The following PTPN5 variants were observed in gnomAD, a reference collection of about 807,000 sequenced individuals.
PTPN5 encodes tyrosine-protein phosphatase non-receptor type 5.
PTPN5 carries 29 observed loss-of-function variants against 73.9 expected under a neutral mutation model. The observed-to-expected ratio is 0.39, with a 90% CI of 0.29 to 0.54. The LOEUF is 0.54. Among genes scored for constraint, PTPN5 ranks in the 20% least tolerant of loss-of-function variants. The pLI is 0.65. For synonymous variants in PTPN5, 267 were observed against 304.7 expected, an observed-to-expected ratio of 0.88 and a Z score of 1.29; for missense variants, 652 against 751.4, an observed-to-expected ratio of 0.87 and a Z score of 1.55.
chr11:18,743,215 G>A (rs1849454117), intron 5 of PTPN5, 107 bp downstream of exon 5: 2 of 1,263,180 alleles, frequency 1.6e-6, no homozygotes, highest in Admixed American at 3.4e-5. Flanking sequence ...CAGGGGCTTG[G>A]AAGTATCTTC....
At chr11:18,746,652 T>G (rs538722410) in intron 3 of PTPN5, among the ~76,000 whole-genome samples, 1 of 152,104 alleles carries the variant, frequency 6.6e-6, no homozygotes, top group East Asian at 1.9e-4. Flanking sequence ...TAAAGACATG[T>G]TTACAATACA....
intron 3 of PTPN5, among the ~76,000 whole-genome samples, chr11:18,764,502 C>A (rs1164881022): frequency 1.3e-5 from 2 of 152,200 alleles, no homozygotes; most frequent in African/African-American, 4.8e-5. Context: ...TCCTCAGGAG[C>A]TGGGGCACTG....
intron 1 of PTPN5, among the ~76,000 whole-genome samples, chr11:18,778,909 C>G (rs1055154521): frequency 1.3e-5 from 2 of 152,348 alleles, no homozygotes; most frequent in Admixed American, 1.3e-4. Context: ...TATTTCATGC[C>G]TCTGGTTTCA....
intron 1 of PTPN5, among the ~76,000 whole-genome samples, chr11:18,780,131 T>A (rs1034433574): frequency 1.3e-5 from 2 of 152,162 alleles, no homozygotes; most frequent in Non-Finnish European, 2.9e-5. Context: ...TGCTTCCTAT[T>A]TCCTCAGGCT....
chr11:18,746,176 T>TAC (rs1849619451), intron 3 of PTPN5, among the ~76,000 whole-genome samples: 1 of 107,312 alleles, frequency 9.3e-6, no homozygotes, highest in Non-Finnish European at 2.2e-5. Context: ...TATATATATA[T>TAC]ATATATATAT....
At chr11:18,737,467 G>C (rs1412984581) in intron 9 of PTPN5, among the ~76,000 whole-genome samples, 5 of 152,184 alleles carry the variant, frequency 3.3e-5, no homozygotes, top group Non-Finnish European at 7.3e-5. Flanking sequence ...AGAGGCCCAG[G>C]TCTGAAATTC....
chr11:18,728,049 G>C lies in PTPN5; in HGVS notation c.*885C>G, dbSNP rs543420556. The stretch of plus-strand genomic sequence containing the variant: ...TATTTAAAGTCAGCAATAAAAACAC[G>C]TGGCTCCAAGATAATACATGTTGCC... On this transcript the variant is annotated 3_prime_UTR_variant, in exon 15 of 15. Coordinates refer to ENST00000358540, the MANE Select transcript of PTPN5 (RefSeq NM_006906.2). The surrounding 1 kb of genome is among the most constrained non-coding windows in gnomAD (Gnocchi z 4.1). The C allele has an allele frequency of 6.5e-6, 1 of 152,794 alleles. No individual in the cohort carries two copies. Among genetic ancestry groups the C allele is most frequent in the Non-Finnish European group, 1.5e-5 (1 of 68,036 alleles). 9.5% of individuals were successfully genotyped at this position (152,794 alleles called of 1,614,324 possible).
At chr11:18,789,693 A>G (rs887481981) in intron 1 of PTPN5, among the ~76,000 whole-genome samples, 2 of 152,196 alleles carry the variant, frequency 1.3e-5, no homozygotes, top group African/African-American at 4.8e-5. Context: ...GTAACTCAGG[A>G]ATGGAAAACC....
intron 1 of PTPN5, among the ~76,000 whole-genome samples, chr11:18,781,645 G>T (rs1043793554): frequency 1.1e-4 from 17 of 151,986 alleles, no homozygotes; most frequent in Non-Finnish European, 2.4e-4. Flanking sequence ...GGGTGGTTCA[G>T]AATATATTTT....
chr11:18,779,813 A>G (rs1364474392), intron 1 of PTPN5, among the ~76,000 whole-genome samples: 3 of 152,238 alleles, frequency 2.0e-5, no homozygotes, highest in African/African-American at 7.2e-5. Context: ...ATTCAGAGGC[A>G]GAGAGACCTG....
At position 18,756,002 on chromosome 11, in the gene PTPN5, T is replaced by TAAAAAA. The variant is rs532445728; in HGVS notation, c.97+9799_97+9804dup. On this transcript the variant is annotated intron_variant, in intron 3 of 14. Coordinates refer to ENST00000358540, the MANE Select transcript of PTPN5 (RefSeq NM_006906.2). ...CTGGGCGACAGAGTGAGACTCTAAA[T>TAAAAAA]AAAAAAAAAAAAAAAAAAAAGATGA... 4.7e-4 allele frequency among the ~76,000 whole-genome samples: 53 copies of TAAAAAA among 111,880 alleles called. 1 individual carries two copies. The highest frequency in any genetic ancestry group is 8.4e-4 in the East Asian group (3 of 3,558). The allele number at this position is 111,880 out of a possible 152,430, so 73.4% of individuals were successfully genotyped here. A position where few individuals can be genotyped will look rare whatever the true frequency, so the allele number is the denominator to read the frequency against.
At chr11:18,760,550 C>T (rs764820203) in intron 3 of PTPN5, among the ~76,000 whole-genome samples, 2 of 152,206 alleles carry the variant, frequency 1.3e-5, no homozygotes, top group Admixed American at 6.5e-5. Context: ...GTCTCAGAAT[C>T]ACCAGCCCAA....
chr11:18,761,404 A>C (rs1312795405), intron 3 of PTPN5, among the ~76,000 whole-genome samples: 1 of 152,204 alleles, frequency 6.6e-6, no homozygotes, highest in Non-Finnish European at 1.5e-5. Flanking sequence ...GGTGTCTTGC[A>C]AATGTGAACA....
chr11:18,776,448 C>T (rs1242334215), intron 1 of PTPN5, among the ~76,000 whole-genome samples: 1 of 152,116 alleles, frequency 6.6e-6, no homozygotes, highest in East Asian at 1.9e-4. Flanking sequence ...TCTGTTGATG[C>T]CAGTCTCCCA....
intron 4 of PTPN5, 166 bp downstream of exon 4, chr11:18,743,840 T>TCCAGCCTTCCCCTTATC: frequency 1.3e-6 from 1 of 768,662 alleles, no homozygotes; most frequent in South Asian, 2.2e-5. Flanking sequence ...AGCTCAGAAT[T>TCCAGCCTTCCCCTTATC]CCAGCCTTCC....
chr11:18,777,900 G>A (rs1851234478), intron 1 of PTPN5, among the ~76,000 whole-genome samples: 1 of 151,828 alleles, frequency 6.6e-6, no homozygotes, highest in Non-Finnish European at 1.5e-5. Flanking sequence ...AGCTATGATC[G>A]CACCACTGCA....
At chr11:18,759,409 A>G (rs1850293217) in intron 3 of PTPN5, among the ~76,000 whole-genome samples, 1 of 152,226 alleles carries the variant, frequency 6.6e-6, no homozygotes, top group Non-Finnish European at 1.5e-5. Context: ...GGTCAATAGC[A>G]GAGCTGGGAT....
intron 2 of PTPN5, among the ~76,000 whole-genome samples, chr11:18,767,729 C>A (rs905259366): frequency 1.3e-5 from 2 of 152,250 alleles, no homozygotes; most frequent in African/African-American, 2.4e-5. Context: ...CAACGTTTAT[C>A]ACATAACCTT....
chr11:18,781,446 A>C (rs1358719466), intron 1 of PTPN5, among the ~76,000 whole-genome samples: 1 of 150,642 alleles, frequency 6.6e-6, no homozygotes, highest in Non-Finnish European at 1.5e-5. Context: ...CAGCCTCCCA[A>C]GTAGCTGGGA....
Sources: gnomAD v4.1 joint callset for allele counts (sites outside exome capture counted in the v4.1 genomes callset) on GRCh38, gnomAD v4.1.1 for gene constraint, Gnocchi (gnomAD v3.1) non-coding constraint, MANE v1.5 for transcripts, NCBI Gene and HGNC (gene_info 2026-07-23, HGNC 2026-07-21) for gene names.